Variants in ZNF705G observed in about 807,000 individuals in gnomAD.
ZNF705G encodes the protein putative zinc finger protein 705G.
ZNF705G carries 23 observed loss-of-function variants against 19.6 expected under a neutral mutation model. The observed-to-expected ratio is 1.17, with a 90% CI of 0.84 to 1.66. ZNF705G has a LOEUF of 1.66. ZNF705G is among the 40% of genes most tolerant of loss of function. The pLI is 0.00. For missense variants in ZNF705G, 457 were observed against 354.4 expected, an observed-to-expected ratio of 1.29 and a Z score of -2.32; for synonymous variants, 146 against 117.7, an observed-to-expected ratio of 1.24 and a Z score of -1.56.
rs1806290050 is a variant in ZNF705G, at chr8:7,356,790, A to G, written c.*1186T>C. 1 of 149,788 alleles carries G rather than the reference A, an allele frequency of 6.7e-6. No individual in the cohort carries two copies. The highest frequency in any genetic ancestry group is 1.5e-5 in the Non-Finnish European group (1 of 68,024). The allele number at this position is 149,788 out of a possible 1,614,324, so 9.3% of individuals were successfully genotyped here. On this transcript the variant is annotated 3_prime_UTR_variant, in exon 7 of 7. Coordinates refer to ENST00000400156, the MANE Select transcript of ZNF705G (RefSeq NM_001164457.3). ...AATGAAACAAGGGCTTTGCCAACAT[A>G]CTAAGTTTTTTCAACAACAGATTGT...
chr8:7,358,766 C>G (rs565554852), intron 6 of ZNF705G, among the ~76,000 whole-genome samples: 324 of 149,426 alleles, frequency 2.2e-3, no homozygotes, highest in Middle Eastern at 3.4e-3. Context: ...CTGGGTCACA[C>G]AAACCTGCCT....
At chr8:7,376,880 AGT>A (rs71264895) in intron 2 of ZNF705G, among the ~76,000 whole-genome samples, 9 of 145,238 alleles carry the variant, frequency 6.2e-5, no homozygotes, top group African/African-American at 1.6e-4. Flanking sequence ...ATATAGAGAG[AGT>A]GTGTGTGTGT....
intron 3 of ZNF705G, among the ~76,000 whole-genome samples, chr8:7,361,469 G>A (rs11986853): frequency 0.019 from 2,858 of 149,430 alleles, 383 homozygotes; most frequent in African/African-American, 0.07. Flanking sequence ...ATGAGGTGTG[G>A]CATAATATAA....
chr8:7,364,928 C>T (rs1179627115), intron 2 of ZNF705G, among the ~76,000 whole-genome samples: 1 of 149,524 alleles, frequency 6.7e-6, no homozygotes, highest in Non-Finnish European at 1.5e-5. Flanking sequence ...GTGAAACCAG[C>T]TGTAACCCTT....
At chr8:7,366,728 G>C (rs1381943691) in intron 2 of ZNF705G, among the ~76,000 whole-genome samples, 1 of 149,612 alleles carries the variant, frequency 6.7e-6, no homozygotes, top group Non-Finnish European at 1.5e-5. Context: ...AACATTGCTT[G>C]AGAAAATCTG....
Position 7,360,277 on chromosome 8 carries a change from C to A in ZNF705G, c.195G>T (p.Leu65=). Residue 65 remains leucine, a synonymous_variant, in exon 5 of 7, where the codon CTG becomes CTT. Transcript: ENST00000400156. The part of the protein sequence containing the change: ...IILQLEQGKE[L]WREGRVFLQD... ...GAAGAAATACTCTTCCTTCCCTCCA[C>A]AGCTCTTTTCCTTGCTCCAGCTGCA... 12 of 1,591,594 alleles carry A rather than the reference C, an allele frequency of 7.5e-6. 1 individual carries two copies. The highest frequency in any genetic ancestry group is 1.0e-5 in the Non-Finnish European group (12 of 1,179,040).
intron 2 of ZNF705G, among the ~76,000 whole-genome samples, chr8:7,368,178 C>T (rs1243460735): frequency 1.3e-5 from 2 of 149,718 alleles, no homozygotes; most frequent in South Asian, 2.1e-4. Context: ...TAATCAAAAA[C>T]TTCATTCTGG....
chr8:7,382,555 T>A (rs1388113830), intron 1 of ZNF705G, among the ~76,000 whole-genome samples: 2 of 146,546 alleles, frequency 1.4e-5, no homozygotes, highest in Non-Finnish European at 2.9e-5. Context: ...ATTTTTTATT[T>A]CTTCCATTCT....
intron 2 of ZNF705G, among the ~76,000 whole-genome samples, chr8:7,368,900 T>G (rs1395927394): frequency 6.7e-6 from 1 of 149,692 alleles, no homozygotes; most frequent in Admixed American, 6.6e-5. Context: ...GTATTAAACC[T>G]GCAGGTGCAC....
At chr8:7,380,224 G>A (rs1807427133) in intron 2 of ZNF705G, among the ~76,000 whole-genome samples, 1 of 143,862 alleles carries the variant, frequency 7.0e-6, no homozygotes, top group Non-Finnish European at 1.5e-5. Flanking sequence ...CATCCTCAGG[G>A]GACCTGGGGA....
chr8:7,363,680 G>A (rs1469806272), intron 2 of ZNF705G, among the ~76,000 whole-genome samples: 3 of 149,334 alleles, frequency 2.0e-5, no homozygotes, highest in Non-Finnish European at 2.9e-5. Context: ...AATTAACTGG[G>A]TATGGTGGTG....
At position 7,367,323 on chromosome 8, in the gene ZNF705G, A is replaced by T. The variant is rs1305809923; in HGVS notation, c.-71-4306T>A. 2.0e-5 allele frequency among the ~76,000 whole-genome samples: 3 copies of T among 149,390 alleles called. 1 individual carries two copies. The highest frequency in any genetic ancestry group is 5.2e-5 in the African/African-American group (2 of 38,796). On this transcript the variant is annotated intron_variant, in intron 2 of 6. Transcript: ENST00000400156. ...CATTTCCTCTCTAAAAATGATAATT[A>T]GGCAGCACCAGAGAGAGGCCGTTTC...
chr8:7,366,879 C>T (rs1450230134), intron 2 of ZNF705G, among the ~76,000 whole-genome samples: 4 of 149,760 alleles, frequency 2.7e-5, no homozygotes, highest in African/African-American at 7.7e-5. Context: ...TTGTCCAATG[C>T]AGTAACTACC....
In ZNF705G at chr8:7,378,779, A is replaced by G. The variant is rs577210296; in HGVS notation, c.-72+2673T>C. ...TCCATTTTTTAGGACTCATGATTAC[A>G]TTGGGCCCACCTGGATAATCTAAGA... On this transcript the variant is annotated intron_variant, in intron 2 of 6. Coordinates refer to ENST00000400156, the MANE Select transcript of ZNF705G (RefSeq NM_001164457.3). Among the ~76,000 whole-genome samples the G allele has an allele frequency of 8.9e-4, 130 of 145,444 alleles. 1 individual carries two copies. Among genetic ancestry groups the G allele is most frequent in the African/African-American group, 2.8e-3 (97 of 35,200 alleles).
chr8:7,365,375 A>ATTTTT (rs71253679), intron 2 of ZNF705G, among the ~76,000 whole-genome samples: 36 of 112,038 alleles, frequency 3.2e-4, no homozygotes, highest in African/African-American at 1.4e-3. Context: ...GTCTCTCTCT[A>ATTTTT]TTTTTTTTTT....
intron 1 of ZNF705G, among the ~76,000 whole-genome samples, chr8:7,384,448 C>T (rs1405267408): frequency 6.9e-6 from 1 of 145,582 alleles, no homozygotes; most frequent in African/African-American, 2.8e-5. Context: ...ATTTATGCAG[C>T]CAACAAACAT....
At chr8:7,368,196 C>A (rs1348967416) in intron 2 of ZNF705G, among the ~76,000 whole-genome samples, 1 of 149,748 alleles carries the variant, frequency 6.7e-6, no homozygotes, top group East Asian at 1.9e-4. Flanking sequence ...TGGAGACACT[C>A]CCTGTTCAAT....
chr8:7,367,513 T>C lies in ZNF705G; in HGVS notation c.-71-4496A>G, dbSNP rs1273803020. On this transcript the variant is annotated intron_variant, in intron 2 of 6. Coordinates refer to ENST00000400156, the MANE Select transcript of ZNF705G (RefSeq NM_001164457.3). Reference sequence around the variant, plus strand: ...AGAAAGCTTCAGATGGACATGCATATAACTCCCTAAACACAACGTGCATGC... The same window carrying C: ...AGAAAGCTTCAGATGGACATGCATACAACTCCCTAAACACAACGTGCATGC... Among the ~76,000 whole-genome samples the C allele has an allele frequency of 2.0e-5, 3 of 149,514 alleles. 1 individual carries two copies. The highest frequency in any genetic ancestry group is 3.9e-4 in the East Asian group (2 of 5,182).
chr8:7,363,918 T>C (rs1324913058), intron 2 of ZNF705G, among the ~76,000 whole-genome samples: 2 of 149,422 alleles, frequency 1.3e-5, no homozygotes, highest in East Asian at 3.9e-4. Flanking sequence ...GCCCTTAAAA[T>C]CTCCTGCATC....
Sources: allele counts gnomAD v4.1 joint callset (sites outside exome capture counted in the v4.1 genomes callset), GRCh38; gene constraint gnomAD v4.1.1; transcripts MANE v1.5; gene names NCBI Gene and HGNC (gene_info 2026-07-23, HGNC 2026-07-21).